Variants in AURKA observed in about 807,000 individuals in gnomAD.
The protein encoded by AURKA is aurora kinase A.
Under a neutral mutation model 40.9 loss-of-function variants are expected in AURKA, and 12 were observed. The ratio of observed to expected loss-of-function variants is 0.29; its 90% CI spans 0.19 to 0.48. The LOEUF is 0.48. Among genes scored for constraint, AURKA ranks in the 20% least tolerant of loss-of-function variants. The pLI, the probability that AURKA is intolerant of heterozygous loss-of-function variation, is 0.99. For missense variants in AURKA, 322 were observed against 462.1 expected, an observed-to-expected ratio of 0.70 and a Z score of 2.78; for synonymous variants, 170 against 164.3, an observed-to-expected ratio of 1.03 and a Z score of -0.26.
At chr20:56,388,272 A>AG in intron 1 of AURKA, 70 bp from the exon 2 acceptor site, 1 of 1,372,862 alleles carries the variant, frequency 7.3e-7, no homozygotes, top group Non-Finnish European at 1.0e-6. Context: ...CTCGATAGGC[A>AG]GCGTTACAGT....
At chr20:56,377,577 A>T (rs187359764) in intron 6 of AURKA, among the ~76,000 whole-genome samples, 2 of 152,310 alleles carry the variant, frequency 1.3e-5, no homozygotes, top group African/African-American at 4.8e-5. Flanking sequence ...TCACAAGGTC[A>T]AGAGATCAAG....
chr20:56,379,404 T>G (rs899603708), intron 6 of AURKA, among the ~76,000 whole-genome samples: 15 of 152,184 alleles, frequency 9.9e-5, no homozygotes, highest in African/African-American at 3.6e-4. Flanking sequence ...AAGACATCAG[T>G]ATGAATTCAT....
At chr20:56,386,582 A>AT (rs1986411594) in intron 2 of AURKA, 49 bp from the exon 3 acceptor site, 1 of 1,604,710 alleles carries the variant, frequency 6.2e-7, no homozygotes, top group African/African-American at 1.3e-5. Context: ...AAAGCAAAAG[A>AT]TGAATATATT....
intron 3 of AURKA, among the ~76,000 whole-genome samples, chr20:56,385,072 C>G (rs1301756682): frequency 6.6e-6 from 1 of 152,190 alleles, no homozygotes; most frequent in African/African-American, 2.4e-5. Flanking sequence ...ATCCCTAACT[C>G]CTCTTTATTC....
chr20:56,385,259 C>T (rs1381702702), intron 3 of AURKA, among the ~76,000 whole-genome samples: 1 of 152,104 alleles, frequency 6.6e-6, no homozygotes, highest in Non-Finnish European at 1.5e-5. Context: ...GAAGTGGTTA[C>T]GAAGATTGAA....
At chr20:56,385,627 A>G (rs1986260649) in intron 3 of AURKA, among the ~76,000 whole-genome samples, 1 of 151,480 alleles carries the variant, frequency 6.6e-6, no homozygotes. Flanking sequence ...ACGCCTGGCT[A>G]ATTTTGTATT....
intron 6 of AURKA, among the ~76,000 whole-genome samples, chr20:56,381,195 C>A (rs1245527252): frequency 6.6e-6 from 1 of 152,124 alleles, no homozygotes; most frequent in African/African-American, 2.4e-5. Context: ...ATATACATTT[C>A]CATAGAAAAC....
At chr20:56,371,332 T>A (rs113921973) in intron 7 of AURKA, among the ~76,000 whole-genome samples, 12 of 141,206 alleles carry the variant, frequency 8.5e-5, no homozygotes, top group African/African-American at 2.1e-4. Flanking sequence ...TGTGGTGGTG[T>A]GCGCCTGTAG....
rs1260032560 is a variant in AURKA at position 56,370,628 on chromosome 20, G to A, written c.886C>T (p.Leu296=). The A allele has an allele frequency of 4.3e-6, 7 of 1,614,204 alleles. No homozygotes were observed. The highest frequency in any genetic ancestry group is 1.3e-5 in the African/African-American group (1 of 75,050). The part of the protein sequence containing the change: ...RTTLCGTLDY[L]PPEMIEGRMH... ...CGACCTTCAATCATTTCAGGGGGCAGGTAGTCCAGGGTGCCACAGAGAGTG... is the reference window on the plus strand; with the variant it reads ...CGACCTTCAATCATTTCAGGGGGCAAGTAGTCCAGGGTGCCACAGAGAGTG... The change falls in exon 8 of 9, where the codon CTG becomes TTG. Residue 296 remains leucine, a synonymous_variant. Coordinates refer to ENST00000395915, the MANE Select transcript of AURKA (RefSeq NM_198437.3).
Position 56,369,724 on chromosome 20 carries a change from T to G in AURKA, c.*434A>C. 1 of 365,782 alleles carries G rather than the reference T, an allele frequency of 2.7e-6. No individual in the cohort carries two copies. The allele number at this position is 365,782 out of a possible 1,614,324, so 22.7% of individuals were successfully genotyped here. A position where few individuals can be genotyped will look rare whatever the true frequency, so the allele number is the denominator to read the frequency against. Reference sequence around the variant, plus strand: ...GAATCACATACTCATTCCAACAGCTTTACCAGGCTTCGCCAACCCAATAAG... The same window carrying G: ...GAATCACATACTCATTCCAACAGCTGTACCAGGCTTCGCCAACCCAATAAG... On this transcript the variant is annotated 3_prime_UTR_variant, in exon 9 of 9. Coordinates refer to ENST00000395915, the MANE Select transcript of AURKA (RefSeq NM_198437.3).
chr20:56,386,240 C>T lies in AURKA; in HGVS notation c.319+17G>A, dbSNP rs372168484. On this transcript the variant is annotated intron_variant, in intron 3 of 8. Coordinates refer to ENST00000395915, the MANE Select transcript of AURKA (RefSeq NM_198437.3). The stretch of plus-strand genomic sequence containing the variant: ...GACAAAGAAGGACTATCCAATGAGT[C>T]TCAAAAGCTAGTTTACCAGGTGCCG... 1.2e-6 allele frequency: 2 copies of T among 1,614,184 alleles called. No individual in the cohort carries two copies. Among genetic ancestry groups the T allele is most frequent in the Non-Finnish European group, 1.7e-6 (2 of 1,180,012 alleles).
chr20:56,374,016 T>TACACACACACACACACAC lies in AURKA; in HGVS notation c.706-478_706-461dup, dbSNP rs11467339. On this transcript the variant is annotated intron_variant, in intron 6 of 8. Coordinates refer to ENST00000395915, the MANE Select transcript of AURKA (RefSeq NM_198437.3). The stretch of plus-strand genomic sequence containing the variant: ...GGATTGTAGAAATTATATAGGAGTC[T>TACACACACACACACACAC]ACACACACACACACACACACACACA... Among the ~76,000 whole-genome samples, 157 of 147,606 alleles carry TACACACACACACACACAC rather than the reference T, an allele frequency of 1.1e-3. 1 individual carries two copies. The highest frequency in any genetic ancestry group is 3.7e-3 in the African/African-American group (149 of 40,502).
intron 3 of AURKA, 57 bp from the exon 4 acceptor site, chr20:56,384,381 C>A (rs1223874849): frequency 7.6e-7 from 1 of 1,308,110 alleles, no homozygotes; most frequent in Non-Finnish European, 1.1e-6. Context: ...ATAAGCTAAG[C>A]TGTGAATAGA....
intron 1 of AURKA, among the ~76,000 whole-genome samples, chr20:56,389,683 A>G (rs1483003396): frequency 6.6e-6 from 1 of 152,172 alleles, no homozygotes; most frequent in Non-Finnish European, 1.5e-5. Flanking sequence ...TGTCCCAAAC[A>G]GAAGTCCTAA....
chr20:56,389,310 C>T (rs1465585104), intron 1 of AURKA, among the ~76,000 whole-genome samples: 2 of 152,158 alleles, frequency 1.3e-5, no homozygotes, highest in African/African-American at 4.8e-5. Flanking sequence ...AGTGCGTCTT[C>T]TGCCCTAGTC....
Position 56,381,550 on chromosome 20 carries a change from C to A in AURKA, c.588G>T (p.Leu196=). The stretch of plus-strand genomic sequence containing the variant: ...TGGTAGCATCATGGAAATAACCATA[C>A]AGTCTAAGAATATTAGGATGCCTGC... The part of the protein sequence containing the change: ...SHLRHPNILR[L]YGYFHDATRV... The change falls in exon 6 of 9, where the codon CTG becomes CTT. Residue 196 remains leucine, a synonymous_variant. Transcript: ENST00000395915. 1 of 1,613,860 alleles carries A rather than the reference C, an allele frequency of 6.2e-7. No homozygotes were observed. Among genetic ancestry groups the A allele is most frequent in the South Asian group, 1.1e-5 (1 of 91,080 alleles).
chr20:56,385,790 T>C (rs1163626983), intron 3 of AURKA, among the ~76,000 whole-genome samples: 2 of 152,024 alleles, frequency 1.3e-5, no homozygotes, highest in Non-Finnish European at 2.9e-5. Flanking sequence ...AAAGGCAGAG[T>C]TCCCTTCTGA....
chr20:56,386,642 C>A, intron 2 of AURKA, 109 bp from the exon 3 acceptor site: 1 of 1,245,312 alleles, frequency 8.0e-7, no homozygotes, highest in Non-Finnish European at 1.2e-6. Context: ...ATGAATGTCA[C>A]TGATAAGAGA....
chr20:56,369,806 G>A lies in AURKA; in HGVS notation c.*352C>T, dbSNP rs977577622. Reference sequence around the variant, plus strand: ...TTGCACAGCTCCTTAACTGATCGGGGTCAGGGCAGAGTGGTCACTTTCCCC... The same window carrying A: ...TTGCACAGCTCCTTAACTGATCGGGATCAGGGCAGAGTGGTCACTTTCCCC... On this transcript the variant is annotated 3_prime_UTR_variant, in exon 9 of 9. Coordinates refer to ENST00000395915, the MANE Select transcript of AURKA (RefSeq NM_198437.3). 1.3e-5 allele frequency: 6 copies of A among 468,364 alleles called. No individual in the cohort carries two copies. The highest frequency in any genetic ancestry group is 5.8e-5 in the African/African-American group (3 of 51,668). 29.0% of individuals were successfully genotyped at this position (468,364 alleles called of 1,614,324 possible). A position where few individuals can be genotyped will look rare whatever the true frequency, so the allele number is the denominator to read the frequency against.
Sources: gnomAD v4.1 joint callset for allele counts (sites outside exome capture counted in the v4.1 genomes callset) on GRCh38, gnomAD v4.1.1 for gene constraint, MANE v1.5 for transcripts, NCBI Gene and HGNC (gene_info 2026-07-23, HGNC 2026-07-21) for gene names.